The following POLR1D variants were observed in gnomAD, a reference collection of about 807,000 sequenced individuals.
POLR1D encodes the protein RNA polymerase I and III subunit D.
In POLR1D, 8 loss-of-function variants were observed where a neutral mutation model predicts 10.8. That is an observed-to-expected ratio of 0.74 (90% confidence interval 0.43 to 1.33). POLR1D has a LOEUF of 1.33. Among genes scored for constraint, POLR1D ranks in the 40% most tolerant of loss-of-function variants. The probability of loss-of-function intolerance (pLI) is 0.01; values close to 1 mark genes in which losing one functional copy is unlikely to be tolerated. For missense variants in POLR1D, 152 were observed against 161.7 expected (o/e 0.94, Z 0.32); for synonymous variants, 54 against 57.2 (o/e 0.94, Z 0.25).
chr13:27,627,000 C>T (rs1223744814), downstream of POLR1D, among the ~76,000 whole-genome samples: 1 of 152,202 alleles, frequency 6.6e-6, no homozygotes, highest in Non-Finnish European at 1.5e-5. Context: ...TGGCCTACCA[C>T]TCCCCACTCT....
At chr13:27,655,122 A>G (rs903502496) in intron 2 of POLR1D, among the ~76,000 whole-genome samples, 3 of 152,218 alleles carry the variant, frequency 2.0e-5, no homozygotes, top group Admixed American at 6.5e-5. Context: ...ATGTCTACCC[A>G]TAGTGGTTTA....
At chr13:27,621,835 C>CGCTGCT, upstream of POLR1D, 1 of 789,096 alleles carries the variant, frequency 1.3e-6, no homozygotes, top group Non-Finnish European at 2.1e-6. Flanking sequence ...TGGGCCCTGC[C>CGCTGCT]GCGCCGCTGC....
At chr13:27,656,762 A>G (rs931436885) in intron 2 of POLR1D, among the ~76,000 whole-genome samples, 2 of 152,180 alleles carry the variant, frequency 1.3e-5, no homozygotes, top group Admixed American at 6.5e-5. Flanking sequence ...TCCCTCTTTC[A>G]TAGAACTTAA....
upstream of POLR1D, chr13:27,621,874 C>T (rs2232677): frequency 2.6e-6 from 3 of 1,164,304 alleles, no homozygotes; most frequent in South Asian, 3.9e-5. Context: ...CCGTCCTCCG[C>T]GCCTTCCGTC....
At chr13:27,631,048 G>A (rs1314055947) in intron 1 of POLR1D, among the ~76,000 whole-genome samples, 1 of 152,186 alleles carries the variant, frequency 6.6e-6, no homozygotes, top group East Asian at 1.9e-4. Flanking sequence ...AAAGTCGTTT[G>A]CTCAGAGAGA....
At chr13:27,621,802 AGCCTCATGCCCCGCCCCGCGGCTGG>A, upstream of POLR1D, 1 of 541,356 alleles carries the variant, frequency 1.8e-6, no homozygotes, top group Non-Finnish European at 3.3e-6. Context: ...CTGGGGGTGG[AGCCTCATGCCCCGCCCCGCGGCTGG>A]GCCCTGCCGC....
At chr13:27,652,052 C>G (rs537588316) in intron 2 of POLR1D, among the ~76,000 whole-genome samples, 9 of 152,182 alleles carry the variant, frequency 5.9e-5, no homozygotes, top group Admixed American at 5.9e-4. Context: ...GCTTTGGTTT[C>G]GGATATAAGG....
At position 27,630,397 on chromosome 13, in the gene POLR1D, C is replaced by G. The variant is rs565208463; in HGVS notation, c.26+8388C>G. Among the ~76,000 whole-genome samples the G allele has an allele frequency of 5.3e-5, 8 of 152,314 alleles. No individual in the cohort carries two copies. The South Asian group carries it at 1.4e-3, about 28-fold the overall frequency. ...GAGAAAATCCAACAGCCTGGAGCAT[C>G]TAATTACACAGAGATTGAACTAGTT... On this transcript the variant is annotated intron_variant, in intron 1 of 2. Transcript: ENST00000399697.
chr13:27,656,620 A>G (rs1278236041), intron 2 of POLR1D, among the ~76,000 whole-genome samples: 1 of 152,166 alleles, frequency 6.6e-6, no homozygotes, highest in Non-Finnish European at 1.5e-5. Context: ...TCCAGTGGAG[A>G]TGAAGGGATG....
At chr13:27,653,565 G>A (rs1407868217) in intron 2 of POLR1D, among the ~76,000 whole-genome samples, 2 of 152,092 alleles carry the variant, frequency 1.3e-5, no homozygotes, top group Non-Finnish European at 2.9e-5. Context: ...AATTGTCTTG[G>A]AACAGTGGTT....
Position 27,653,004 on chromosome 13 carries a change from A to G in POLR1D, c.101+4551A>G, listed in dbSNP as rs554786499. On this transcript the variant is annotated intron_variant, in intron 2 of 2. Transcript: ENST00000399697. Reference sequence around the variant, plus strand: ...AACCTCTGCCTCCCTGGTGCAAGCAATTCTCTGCCTCAGCCTCCCGAGTAG... The same window carrying G: ...AACCTCTGCCTCCCTGGTGCAAGCAGTTCTCTGCCTCAGCCTCCCGAGTAG... 5.4e-4 allele frequency among the ~76,000 whole-genome samples: 78 copies of G among 143,908 alleles called. No individual in the cohort carries two copies. The South Asian group carries it at 0.014, about 26-fold the overall frequency. 94.4% of individuals were successfully genotyped at this position (143,908 alleles called of 152,430 possible).
intron 1 of POLR1D, among the ~76,000 whole-genome samples, chr13:27,634,197 G>A (rs546522565): frequency 6.6e-6 from 1 of 152,290 alleles, no homozygotes; most frequent in South Asian, 2.1e-4. Flanking sequence ...GGCAAAGATT[G>A]TACTTTGTCC....
chr13:27,627,747 T>TTTTTTTC (rs1566142755), downstream of POLR1D, among the ~76,000 whole-genome samples: 59 of 135,066 alleles, frequency 4.4e-4, 2 homozygotes, highest in Admixed American at 6.3e-4. Context: ...TTTTTTTTTT[T>TTTTTTTC]TTTGTCCCAT....
chr13:27,647,699 T>C (rs992231395), intron 1 of POLR1D, among the ~76,000 whole-genome samples: 17 of 152,338 alleles, frequency 1.1e-4, no homozygotes, highest in African/African-American at 3.8e-4. Context: ...GTGGATATGT[T>C]ATGATTTATT....
intron 2 of POLR1D, chr13:27,648,469 A>C (rs775964510): frequency 4.0e-5 from 62 of 1,559,226 alleles, no homozygotes; most frequent in Non-Finnish European, 5.4e-5. Context: ...TTCTTTGAGT[A>C]ATCTTCCTTA....
downstream of POLR1D, among the ~76,000 whole-genome samples, chr13:27,627,253 A>C (rs1271844743): frequency 6.7e-6 from 1 of 149,476 alleles, no homozygotes; most frequent in Non-Finnish European, 1.5e-5. Context: ...TTTATAAACT[A>C]TCCTGGTACA....
intron 1 of POLR1D, among the ~76,000 whole-genome samples, chr13:27,643,207 G>C (rs1956190753): frequency 6.6e-6 from 1 of 152,192 alleles, no homozygotes; most frequent in Admixed American, 6.5e-5. Flanking sequence ...TATTTAGCAA[G>C]TGCGTAATGT....
intron 1 of POLR1D, among the ~76,000 whole-genome samples, chr13:27,641,406 T>C (rs1290260477): frequency 6.6e-6 from 1 of 152,196 alleles, no homozygotes; most frequent in Non-Finnish European, 1.5e-5. Flanking sequence ...TATAACAATA[T>C]AATTAGGGAC....
chr13:27,644,944 A>G (rs1956205185), intron 1 of POLR1D, among the ~76,000 whole-genome samples: 1 of 152,190 alleles, frequency 6.6e-6, no homozygotes, highest in Admixed American at 6.6e-5. Context: ...CCAATAATTC[A>G]TTAATGAGAT....
Sources: allele counts gnomAD v4.1 joint callset (sites outside exome capture counted in the v4.1 genomes callset), GRCh38; gene constraint gnomAD v4.1.1; transcripts MANE v1.5; gene names NCBI Gene and HGNC (gene_info 2026-07-23, HGNC 2026-07-21).